TBC1D5: variants seen among roughly 807,000 people sequenced by gnomAD.
TBC1D5 encodes TBC1 domain family member 5.
TBC1D5 carries 75 observed loss-of-function variants against 100.3 expected under a neutral mutation model. The ratio of observed to expected loss-of-function variants is 0.75; its 90% CI spans 0.62 to 0.91. TBC1D5 has a LOEUF of 0.91. TBC1D5 is among the 40% of genes least tolerant of loss of function. TBC1D5 has a pLI of 0.00. For missense variants in TBC1D5, 910 were observed against 942.4 expected, an observed-to-expected ratio of 0.97 and a Z score of 0.45; for synonymous variants, 323 against 325.6, an observed-to-expected ratio of 0.99 and a Z score of 0.09.
intron 9 of TBC1D5, among the ~76,000 whole-genome samples, chr3:17,382,976 G>C (rs1315623369): frequency 5.3e-5 from 8 of 151,722 alleles, no homozygotes; most frequent in Admixed American, 5.3e-4. Context: ...ATTCTAATAA[G>C]CTATTGTCAG....
At chr3:17,326,500 TCTCA>T (rs1232103091) in intron 13 of TBC1D5, among the ~76,000 whole-genome samples, 7 of 152,170 alleles carry the variant, frequency 4.6e-5, no homozygotes, top group Admixed American at 1.3e-4. Flanking sequence ...TGAGACCAGG[TCTCA>T]CTCTGTTGCC....
chr3:17,589,378 C>G (rs1196237657), intron 2 of TBC1D5, among the ~76,000 whole-genome samples: 1 of 152,180 alleles, frequency 6.6e-6, no homozygotes, highest in Non-Finnish European at 1.5e-5. Context: ...CCACCCAAAT[C>G]TCATCTTGAA....
intron 2 of TBC1D5, among the ~76,000 whole-genome samples, chr3:17,522,642 C>G (rs2096075646): frequency 6.6e-6 from 1 of 152,078 alleles, no homozygotes; most frequent in African/African-American, 2.4e-5. Context: ...ACTGAATAAA[C>G]TGGGACTACA....
intron 1 of TBC1D5, among the ~76,000 whole-genome samples, chr3:17,661,230 G>C (rs1274010027): frequency 6.6e-6 from 1 of 152,168 alleles, no homozygotes; most frequent in East Asian, 1.9e-4. Flanking sequence ...GTCCCATCTG[G>C]AGTCTAATGG....
At chr3:17,501,746 GTTC>G (rs1268862898) in intron 3 of TBC1D5, among the ~76,000 whole-genome samples, 2 of 149,364 alleles carry the variant, frequency 1.3e-5, no homozygotes, top group South Asian at 2.1e-4. Context: ...AACCCTGGCT[GTTC>G]TTCTTTGTGG....
At chr3:17,399,077 T>G (rs2093582621) in intron 8 of TBC1D5, among the ~76,000 whole-genome samples, 1 of 151,908 alleles carries the variant, frequency 6.6e-6, no homozygotes, top group Non-Finnish European at 1.5e-5. Flanking sequence ...GAGGAGAGCA[T>G]GAAAGATTCC....
chr3:17,533,072 CAG>C (rs2096248493), intron 2 of TBC1D5, among the ~76,000 whole-genome samples: 3 of 117,250 alleles, frequency 2.6e-5, no homozygotes, highest in African/African-American at 7.6e-5. Flanking sequence ...CACACATACA[CAG>C]ACACACACAC....
chr3:17,423,503 A>T (rs1230280973), intron 4 of TBC1D5, among the ~76,000 whole-genome samples: 1 of 152,130 alleles, frequency 6.6e-6, no homozygotes, highest in Admixed American at 6.5e-5. Context: ...AAATTATTAT[A>T]ATCTTCAGCT....
intron 2 of TBC1D5, among the ~76,000 whole-genome samples, chr3:17,559,991 T>A (rs2096548197): frequency 6.6e-6 from 1 of 152,138 alleles, no homozygotes; most frequent in South Asian, 2.1e-4. Context: ...ATATAACATA[T>A]GATGTGATGA....
intron 2 of TBC1D5, chr3:17,518,892 A>G (rs116099841): frequency 2.9e-3 from 438 of 152,414 alleles, no homozygotes; most frequent in Non-Finnish European, 4.6e-3. Context: ...TGGCTCCCGC[A>G]CCTGCTCACC....
chr3:17,622,253 A>C (rs1008279593), intron 2 of TBC1D5, among the ~76,000 whole-genome samples: 1 of 152,074 alleles, frequency 6.6e-6, no homozygotes, highest in Non-Finnish European at 1.5e-5. Flanking sequence ...CTGCTGATCT[A>C]CTCACCATTC....
exon 9 of TBC1D5, chr3:17,383,955 A>T (rs2093050494): frequency 1.2e-6 from 2 of 1,604,044 alleles, no homozygotes; most frequent in Admixed American, 3.3e-5. Flanking sequence ...CATAACAGAA[A>T]AGAACATCTG....
chr3:17,519,516 T>C (rs2096037389), intron 2 of TBC1D5, among the ~76,000 whole-genome samples: 1 of 152,224 alleles, frequency 6.6e-6, no homozygotes, highest in South Asian at 2.1e-4. Context: ...ACTTACCTTA[T>C]GCATAACTCC....
chr3:17,374,755 A>G (rs1172206630), intron 10 of TBC1D5, 76 bp from the exon 11 acceptor site: 1 of 1,451,504 alleles, frequency 6.9e-7, no homozygotes, highest in Non-Finnish European at 9.4e-7. Context: ...CTTATTCTAT[A>G]TAAGACAACT....
intron 14 of TBC1D5, among the ~76,000 whole-genome samples, chr3:17,305,164 G>A (rs1384113904): frequency 1.3e-5 from 2 of 152,044 alleles, no homozygotes; most frequent in Admixed American, 6.6e-5. Context: ...GACTTTTCTC[G>A]CCTTGTGTTA....
At chr3:17,337,388 G>T (rs768951200) in intron 13 of TBC1D5, 7 of 152,092 alleles carry the variant, frequency 4.6e-5, no homozygotes, top group African/African-American at 1.7e-4. Context: ...ACTCTGTTAC[G>T]TTGTACTTGG....
chr3:17,609,551 G>GGCCC (rs2153613881), intron 2 of TBC1D5, among the ~76,000 whole-genome samples: 1 of 152,218 alleles, frequency 6.6e-6, no homozygotes, highest in African/African-American at 2.4e-5. Context: ...AACACATAGG[G>GGCCC]GTTCTCCAAG....
chr3:17,334,021 T>C (rs545128818), intron 13 of TBC1D5, among the ~76,000 whole-genome samples: 3 of 151,674 alleles, frequency 2.0e-5, no homozygotes, highest in South Asian at 4.2e-4. Flanking sequence ...ATTAGTGGAG[T>C]AAATGATAAT....
At chr3:17,379,360 C>A (rs2092838727) in intron 9 of TBC1D5, among the ~76,000 whole-genome samples, 1 of 151,912 alleles carries the variant, frequency 6.6e-6, no homozygotes, top group African/African-American at 2.4e-5. Context: ...GCTTTTTCCC[C>A]AAAATATATT....
Sources: gnomAD v4.1 joint callset for allele counts (sites outside exome capture counted in the v4.1 genomes callset) on GRCh38, gnomAD v4.1.1 for gene constraint, MANE v1.5 for transcripts, NCBI Gene and HGNC (gene_info 2026-07-23, HGNC 2026-07-21) for gene names.